CFAP52: variants seen among roughly 807,000 people sequenced by gnomAD.
CFAP52 encodes the protein cilia and flagella associated protein 52.
Under a neutral mutation model 70.5 loss-of-function variants are expected in CFAP52, and 57 were observed. The ratio of observed to expected loss-of-function variants is 0.81; its 90% CI spans 0.65 to 1.01. CFAP52 has a LOEUF of 1.01. Ranked by LOEUF, CFAP52 falls within the 50% of genes least tolerant of loss-of-function variation. The probability of loss-of-function intolerance (pLI) is 0.00; values close to 1 mark genes in which losing one functional copy is unlikely to be tolerated. For missense variants in CFAP52, 785 were observed against 788.5 expected (o/e 1.00, Z 0.05); for synonymous variants, 267 against 292.5 (o/e 0.91, Z 0.89).
intron 8 of CFAP52, among the ~76,000 whole-genome samples, chr17:9,623,983 C>T (rs143501761): frequency 6.2e-4 from 94 of 151,960 alleles, no homozygotes; most frequent in Admixed American, 1.1e-3. Context: ...GAATTCTTGC[C>T]CGATTATTTT....
chr17:9,615,891 C>T (rs1464631614), intron 8 of CFAP52, among the ~76,000 whole-genome samples: 3 of 149,618 alleles, frequency 2.0e-5, no homozygotes, highest in Non-Finnish European at 4.4e-5. Flanking sequence ...CTTCCTACCT[C>T]GGCCTCCCAG....
At position 9,599,744 on chromosome 17, in the gene CFAP52, C is replaced by CT. The variant is rs563733904; in HGVS notation, c.637-312dup. Among the ~76,000 whole-genome samples the CT allele has an allele frequency of 2.2e-3, 319 of 147,112 alleles. 2 individuals carry two copies. The highest frequency in any genetic ancestry group is 6.0e-3 in the African/African-American group (242 of 40,452). On this transcript the variant is annotated intron_variant, in intron 5 of 13. Coordinates refer to ENST00000352665, the MANE Select transcript of CFAP52 (RefSeq NM_145054.5). ...ATCCAGGTCTTCAAGTTTTCTTCTT[C>CT]TTTTTTTTTTTCCTGAGACAGAGTT...
chr17:9,636,390 G>A (rs1045366549), intron 11 of CFAP52, among the ~76,000 whole-genome samples: 5 of 152,048 alleles, frequency 3.3e-5, no homozygotes, highest in African/African-American at 7.2e-5. Flanking sequence ...CTGCATTCCC[G>A]GGGACCTCTT....
At chr17:9,608,049 C>G (rs1909565899) in intron 6 of CFAP52, 70 bp from the exon 7 acceptor site, 1 of 1,277,278 alleles carries the variant, frequency 7.8e-7, no homozygotes, top group Non-Finnish European at 1.1e-6. Flanking sequence ...TATTTGGTTA[C>G]ATGAGTACAT....
intron 8 of CFAP52, among the ~76,000 whole-genome samples, chr17:9,613,672 C>T (rs1326777338): frequency 6.6e-6 from 1 of 152,042 alleles, no homozygotes; most frequent in Non-Finnish European, 1.5e-5. Flanking sequence ...CATGCACCAC[C>T]ACGCCCGGCT....
chr17:9,607,991 A>T, intron 6 of CFAP52, 128 bp from the exon 7 acceptor site: 1 of 621,686 alleles, frequency 1.6e-6, no homozygotes, highest in Non-Finnish European at 2.6e-6. Context: ...TTTTTTCATT[A>T]ATATTTAAAA....
At chr17:9,640,811 T>C (rs927758565) in intron 12 of CFAP52, among the ~76,000 whole-genome samples, 2 of 152,058 alleles carry the variant, frequency 1.3e-5, no homozygotes, top group Admixed American at 6.6e-5. Flanking sequence ...ATCCAGCTAA[T>C]TTTTGTATTT....
chr17:9,614,897 T>C (rs887426757), intron 8 of CFAP52, among the ~76,000 whole-genome samples: 2 of 152,212 alleles, frequency 1.3e-5, no homozygotes, highest in Admixed American at 1.3e-4. Context: ...GCCAGACCTC[T>C]TACTACTGAT....
At chr17:9,597,948 T>C (rs1230532301) in intron 4 of CFAP52, among the ~76,000 whole-genome samples, 2 of 152,110 alleles carry the variant, frequency 1.3e-5, no homozygotes, top group African/African-American at 4.8e-5. Flanking sequence ...ACTTGTGTGT[T>C]TGTTTTCAGT....
chr17:9,593,130 T>C (rs2151932192), intron 3 of CFAP52, among the ~76,000 whole-genome samples: 1 of 152,348 alleles, frequency 6.6e-6, no homozygotes, highest in African/African-American at 2.4e-5. Context: ...GGTATGTTTT[T>C]ACATGAACAA....
At chr17:9,627,042 T>G (rs567470947) in intron 8 of CFAP52, among the ~76,000 whole-genome samples, 8 of 152,294 alleles carry the variant, frequency 5.3e-5, no homozygotes, top group Non-Finnish European at 1.0e-4. Flanking sequence ...TTACTTCTTC[T>G]TATTATTTGA....
At chr17:9,588,682 T>A (rs1446081141) in intron 3 of CFAP52, among the ~76,000 whole-genome samples, 1 of 152,190 alleles carries the variant, frequency 6.6e-6, no homozygotes, top group Non-Finnish European at 1.5e-5. Context: ...TTCAGTGTGA[T>A]AATTTGCTGT....
At chr17:9,587,020 C>T (rs1436356019) in intron 3 of CFAP52, among the ~76,000 whole-genome samples, 186 bp downstream of exon 3, 1 of 152,098 alleles carries the variant, frequency 6.6e-6, no homozygotes, top group South Asian at 2.1e-4. Flanking sequence ...TCTCCCTCTC[C>T]CACCCTCCAC....
chr17:9,603,515 A>G (rs542535256), intron 6 of CFAP52, among the ~76,000 whole-genome samples: 2 of 152,240 alleles, frequency 1.3e-5, no homozygotes, highest in African/African-American at 2.4e-5. Context: ...GGCCCTAAGT[A>G]GATATTTCAT....
At chr17:9,580,287 A>G (rs1908152919) in intron 1 of CFAP52, among the ~76,000 whole-genome samples, 1 of 150,174 alleles carries the variant, frequency 6.7e-6, no homozygotes, top group Non-Finnish European at 1.5e-5. Flanking sequence ...TTGCCCACAA[A>G]GCCTAAAATA....
rs373405681 is a variant in CFAP52 at position 9,643,226 on chromosome 17, C to T, written c.*28C>T. 35 of 1,556,100 alleles carry T rather than the reference C, an allele frequency of 2.2e-5. No individual in the cohort carries two copies. The highest frequency in any genetic ancestry group is 6.9e-5 in the East Asian group (3 of 43,416). ...CTGATGAGATGTCTCTGAGCCTTGGCGTTGCACGCAGTCCTGTTGAAGACT... is the reference window on the plus strand; with the variant it reads ...CTGATGAGATGTCTCTGAGCCTTGGTGTTGCACGCAGTCCTGTTGAAGACT... On this transcript the variant is annotated 3_prime_UTR_variant, in exon 14 of 14. Coordinates refer to ENST00000352665, the MANE Select transcript of CFAP52 (RefSeq NM_145054.5).
chr17:9,639,927 C>A (rs1007325723), intron 12 of CFAP52, among the ~76,000 whole-genome samples: 1 of 152,140 alleles, frequency 6.6e-6, no homozygotes, highest in African/African-American at 2.4e-5. Flanking sequence ...CAGTCAAGTT[C>A]CAACTACTTC....
Position 9,635,556 on chromosome 17 carries a change from T to C in CFAP52, c.1472T>C (p.Val491Ala), listed in dbSNP as rs140905796. The C allele has an allele frequency of 8.7e-6, 14 of 1,614,032 alleles. No homozygotes were observed. The African/African-American group carries it at 1.9e-4, about 22-fold the overall frequency. The change falls in exon 11 of 14, where the codon GTG (valine) becomes GCG (alanine). Residue 491 changes from valine (V) to alanine (A), a missense_variant and splice_region_variant. By Grantham distance (64) the Val-to-Ala change is moderately conservative (BLOSUM62 0). Transcript: ENST00000352665. ...GGGACTTGTATCATTTGGGACCTTG[T>C]GTAGGTACCTGTGATGGGGAGGATG... is the stretch of plus-strand genomic sequence containing the variant. ...TDGTCIIWDL[V>A]RLRRNQMILA... is the part of the protein sequence containing the mutation.
chr17:9,642,049 T>C (rs1911088922), intron 13 of CFAP52, among the ~76,000 whole-genome samples: 1 of 152,170 alleles, frequency 6.6e-6, no homozygotes, highest in Non-Finnish European at 1.5e-5. Context: ...ACAAGAGCCT[T>C]AAGAGCACAA....
Sources: gnomAD v4.1 joint callset for allele counts (sites outside exome capture counted in the v4.1 genomes callset) on GRCh38, gnomAD v4.1.1 for gene constraint, MANE v1.5 for transcripts, NCBI Gene and HGNC (gene_info 2026-07-23, HGNC 2026-07-21) for gene names.